The following RAB11FIP1 variants were observed in gnomAD, a reference collection of about 807,000 sequenced individuals.
RAB11FIP1 encodes RAB11 family interacting protein 1.
In RAB11FIP1, 49 loss-of-function variants were observed where a neutral mutation model predicts 83.1. The ratio of observed to expected loss-of-function variants is 0.59; its 90% CI spans 0.47 to 0.75. The LOEUF is 0.75. Ranked by LOEUF, RAB11FIP1 falls within the 30% of genes least tolerant of loss-of-function variation. The pLI, the probability that RAB11FIP1 is intolerant of heterozygous loss-of-function variation, is 0.00. For missense variants in RAB11FIP1, 1,536 were observed against 1,598.7 expected (o/e 0.96, Z 0.67); for synonymous variants, 670 against 656.0 (o/e 1.02, Z -0.33).
Position 37,872,991 on chromosome 8 carries a change from G to T in RAB11FIP1, c.1811C>A (p.Ala604Asp). 1 of 1,614,118 alleles carries T rather than the reference G, an allele frequency of 6.2e-7. No homozygotes were observed. Residue 604 changes from alanine (A) to aspartate (D), a missense_variant, in exon 4 of 6, where the codon GCT (alanine) becomes GAT (aspartate). Ala to Asp is a moderately radical substitution (Grantham distance 126, BLOSUM62 -2). Coordinates refer to ENST00000330843, the MANE Select transcript of RAB11FIP1 (RefSeq NM_001002814.3). The part of the protein sequence containing the change: ...VFSSLSSPIA[A>D]PISTSTPIES... ...AATTGGAGTGGATGTGGAAATGGGAGCTGCTATGGGAGATGAGAGAGAGGA... is the reference window on the plus strand; with the variant it reads ...AATTGGAGTGGATGTGGAAATGGGATCTGCTATGGGAGATGAGAGAGAGGA...
In RAB11FIP1 at chr8:37,871,386, A is replaced by G. The variant is rs1806455050; in HGVS notation, c.3416T>C (p.Val1139Ala). 7 of 1,613,530 alleles carry G rather than the reference A, an allele frequency of 4.3e-6. No homozygotes were observed. The highest frequency in any genetic ancestry group is 1.6e-4 in the Middle Eastern group (1 of 6,082). The stretch of plus-strand genomic sequence containing the variant: ...TGGCTTCCTCTTGCCAAAATTTTCA[A>G]CTCTACCAGCGGAGCCCTCTGCTGT... Reference protein sequence around the residue: ...KATAEGSAGRVENFGKRKPLL... With the variant: ...KATAEGSAGRAENFGKRKPLL... Residue 1139 changes from valine to alanine, a missense_variant, in exon 4 of 6, where the codon GTT becomes GCT. By Grantham distance (64) the Val-to-Ala change is moderately conservative. Coordinates refer to ENST00000330843, the MANE Select transcript of RAB11FIP1 (RefSeq NM_001002814.3).
At chr8:37,893,788 C>CA (rs898930494) in intron 1 of RAB11FIP1, among the ~76,000 whole-genome samples, 31 of 145,240 alleles carry the variant, frequency 2.1e-4, no homozygotes, top group African/African-American at 3.3e-4. Flanking sequence ...ACCCTGTCTC[C>CA]AAAAAAAAAG....
chr8:37,884,975 CACTCGGCCT>C (rs1472767443), intron 1 of RAB11FIP1, among the ~76,000 whole-genome samples: 1 of 150,872 alleles, frequency 6.6e-6, no homozygotes, highest in African/African-American at 2.4e-5. Flanking sequence ...TGAGCCATTG[CACTCGGCCT>C]ATATTTTTTA....
At chr8:37,863,178 A>T in intron 5 of RAB11FIP1, 65 bp from the exon 6 acceptor site, 1 of 1,317,478 alleles carries the variant, frequency 7.6e-7, no homozygotes. Flanking sequence ...CCTAAAACCT[A>T]AAAGAAGTAC....
chr8:37,865,042 TAC>T (rs1806315707), intron 5 of RAB11FIP1, among the ~76,000 whole-genome samples: 1 of 151,872 alleles, frequency 6.6e-6, no homozygotes, highest in African/African-American at 2.4e-5. Context: ...ATGCTGCGAC[TAC>T]AGGCATGAGC....
Position 37,873,020 on chromosome 8 carries a change from G to A in RAB11FIP1, c.1782C>T (p.Val594=), listed in dbSNP as rs747491998. 1.9e-6 allele frequency: 3 copies of A among 1,614,132 alleles called. No individual in the cohort carries two copies. Among genetic ancestry groups the A allele is most frequent in the South Asian group, 1.1e-5 (1 of 91,076 alleles). ...CTATGGGAGATGAGAGAGAGGAGAA[G>A]ACAGAAGGACTCTCAGAGGACTGTG... ...ADTQSSESPS[V]FSSLSSPIAA... The change falls in exon 4 of 6, where the codon GTC becomes GTT. Residue 594 remains valine, a synonymous_variant. Coordinates refer to ENST00000330843, the MANE Select transcript of RAB11FIP1 (RefSeq NM_001002814.3).
chr8:37,871,785 G>A lies in RAB11FIP1; in HGVS notation c.3017C>T (p.Pro1006Leu), dbSNP rs1256043522. 1.9e-6 allele frequency: 3 copies of A among 1,614,064 alleles called. No individual in the cohort carries two copies. Among genetic ancestry groups the A allele is most frequent in the Non-Finnish European group, 2.5e-6 (3 of 1,180,002 alleles). Residue 1006 changes from proline (P) to leucine (L), a missense_variant, in exon 4 of 6, where the codon CCC becomes CTC. Pro to Leu is a moderately conservative substitution (Grantham distance 98). Transcript: ENST00000330843. ...GGGCCCCTTTCCCCTCTCAGGACAG[G>A]GGACTACCAAGCCCAAGGACAAAGC... ...IGALSLGLVV[P>L]CPERGKGPSG...
Position 37,861,826 on chromosome 8 carries a change from T to G in RAB11FIP1, c.*1069A>C, listed in dbSNP as rs1806240702. On this transcript the variant is annotated 3_prime_UTR_variant, in exon 6 of 6. Coordinates refer to ENST00000330843, the MANE Select transcript of RAB11FIP1 (RefSeq NM_001002814.3). ...CTGGTCTCGAACTCCTGACCTCAAG[T>G]GATCCACCCTCCTCGGCCTTGCAAA... is the stretch of plus-strand genomic sequence containing the variant. 2 of 316,392 alleles carry G rather than the reference T, an allele frequency of 6.3e-6. No individual in the cohort carries two copies. The highest frequency in any genetic ancestry group is 1.1e-3 in the Middle Eastern group (1 of 890). The allele number at this position is 316,392 out of a possible 1,614,324, so 19.6% of individuals were successfully genotyped here.
At chr8:37,865,466 C>T (rs1057079020) in intron 5 of RAB11FIP1, among the ~76,000 whole-genome samples, 6 of 151,796 alleles carry the variant, frequency 4.0e-5, no homozygotes, top group African/African-American at 1.2e-4. Context: ...ATTACAGGCA[C>T]CTGCCACCAC....
In RAB11FIP1 at chr8:37,872,486, C is replaced by T. The variant is rs148197928; in HGVS notation, c.2316G>A (p.Ala772=). Residue 772 remains alanine, a synonymous_variant, in exon 4 of 6, where the codon GCG becomes GCA. Coordinates refer to ENST00000330843, the MANE Select transcript of RAB11FIP1 (RefSeq NM_001002814.3). The part of the protein sequence containing the change: ...SKARDAAEEV[A]PPLPMGASVP... Reference sequence around the variant, plus strand: ...CTGATGCTCCCATGGGAAGAGGGGGCGCCACTTCTTCAGCTGCATCCCTGG... The same window carrying T: ...CTGATGCTCCCATGGGAAGAGGGGGTGCCACTTCTTCAGCTGCATCCCTGG... 2.2e-5 allele frequency: 36 copies of T among 1,613,988 alleles called. No homozygotes were observed. Among genetic ancestry groups the T allele is most frequent in the African/African-American group, 1.1e-4 (8 of 74,884 alleles).
chr8:37,897,850 G>A (rs1256554366), intron 1 of RAB11FIP1, among the ~76,000 whole-genome samples: 1 of 152,184 alleles, frequency 6.6e-6, no homozygotes, highest in Non-Finnish European at 1.5e-5. Context: ...CCCTAGGCAA[G>A]TATGAGGTAG....
chr8:37,886,684 A>C (rs1206302344), intron 1 of RAB11FIP1, among the ~76,000 whole-genome samples: 1 of 152,206 alleles, frequency 6.6e-6, no homozygotes, highest in Non-Finnish European at 1.5e-5. Context: ...GTGAGGAAAG[A>C]AGCAGGAAGA....
chr8:37,873,272 G>T, intron 3 of RAB11FIP1, 93 bp from the exon 4 acceptor site: 1 of 1,391,228 alleles, frequency 7.2e-7, no homozygotes, highest in Non-Finnish European at 9.6e-7. Context: ...CACCAGGGGA[G>T]AACGTCTTTA....
At chr8:37,881,245 G>A (rs1806729059) in intron 1 of RAB11FIP1, among the ~76,000 whole-genome samples, 1 of 152,206 alleles carries the variant, frequency 6.6e-6, no homozygotes, top group Admixed American at 6.5e-5. Flanking sequence ...ACAAGGTCTT[G>A]CAACCACTAT....
In RAB11FIP1 at chr8:37,895,026, G is replaced by A. The variant is rs544968213; in HGVS notation, c.371+4045C>T. On this transcript the variant is annotated intron_variant, in intron 1 of 5. Coordinates refer to ENST00000330843, the MANE Select transcript of RAB11FIP1 (RefSeq NM_001002814.3). The stretch of plus-strand genomic sequence containing the variant: ...ACCCACCTTGGCCTCCTAAAGTGCT[G>A]GGATTACAGGCATGAGCCACTACGC... Among the ~76,000 whole-genome samples the A allele has an allele frequency of 5.4e-4, 78 of 145,462 alleles. No individual in the cohort carries two copies. In the Middle Eastern group the frequency reaches 0.011, roughly 20 times the overall value.
chr8:37,866,858 C>T (rs1806351170), intron 5 of RAB11FIP1, among the ~76,000 whole-genome samples: 1 of 152,166 alleles, frequency 6.6e-6, no homozygotes, highest in Non-Finnish European at 1.5e-5. Context: ...GCAGAGCCTC[C>T]AGGAAACGTC....
intron 5 of RAB11FIP1, among the ~76,000 whole-genome samples, chr8:37,869,381 C>G (rs1019613904): frequency 2.6e-5 from 4 of 151,732 alleles, no homozygotes; most frequent in African/African-American, 9.7e-5. Flanking sequence ...CACCTGAGGT[C>G]AGGAGTTCGA....
In RAB11FIP1 at chr8:37,861,443, G is replaced by C; in HGVS notation, c.*1452C>G. On this transcript the variant is annotated 3_prime_UTR_variant, in exon 6 of 6. Coordinates refer to ENST00000330843, the MANE Select transcript of RAB11FIP1 (RefSeq NM_001002814.3). ...CACAAATAATTTGGGTTTCCTTTTGGGCAGGGAGAGAAAGTGTTCAAAGGA... is the reference window on the plus strand; with the variant it reads ...CACAAATAATTTGGGTTTCCTTTTGCGCAGGGAGAGAAAGTGTTCAAAGGA... 3 of 367,692 alleles carry C rather than the reference G, an allele frequency of 8.2e-6. No homozygotes were observed. The highest frequency in any genetic ancestry group is 5.8e-5 in the South Asian group (3 of 51,320). 22.8% of individuals were successfully genotyped at this position (367,692 alleles called of 1,614,324 possible).
chr8:37,871,352 C>G lies in RAB11FIP1; in HGVS notation c.3450G>C (p.Gln1150His), dbSNP rs1319479185. The G allele has an allele frequency of 1.9e-6, 3 of 1,614,194 alleles. No individual in the cohort carries two copies. The Admixed American group carries it at 5.0e-5, about 27-fold the overall frequency. ...GTGTCTCCGAGGGTGAGACCCAGGCCTGGAGGAGTGGCTTCCTCTTGCCAA... is the reference window on the plus strand; with the variant it reads ...GTGTCTCCGAGGGTGAGACCCAGGCGTGGAGGAGTGGCTTCCTCTTGCCAA... ...ENFGKRKPLL[Q>H]AWVSPSETHP... Residue 1150 changes from glutamine to histidine, a missense_variant, in exon 4 of 6, where the codon CAG (glutamine) becomes CAC (histidine). Coordinates refer to ENST00000330843, the MANE Select transcript of RAB11FIP1 (RefSeq NM_001002814.3).
Sources: allele counts gnomAD v4.1 joint callset (sites outside exome capture counted in the v4.1 genomes callset), GRCh38; gene constraint gnomAD v4.1.1; transcripts MANE v1.5; gene names NCBI Gene and HGNC (gene_info 2026-07-23, HGNC 2026-07-21).